The following MTRFR variants were observed in gnomAD, a reference collection of about 807,000 sequenced individuals.
MTRFR encodes mitochondrial translation release factor in rescue.
Under a neutral mutation model 11.9 loss-of-function variants are expected in MTRFR, and 10 were observed. The observed-to-expected ratio is 0.84, with a 90% confidence interval of 0.52 to 1.42. MTRFR has a LOEUF of 1.42. MTRFR is among the 40% of genes most tolerant of loss of function. MTRFR has a pLI of 0.00. For synonymous variants in MTRFR, 77 were observed against 79.1 expected (o/e 0.97, Z 0.14); for missense variants, 196 against 197.9 (o/e 0.99, Z 0.06).
intron 1 of MTRFR, among the ~76,000 whole-genome samples, chr12:123,238,081 A>G (rs1204687505): frequency 6.6e-6 from 1 of 151,996 alleles, no homozygotes; most frequent in Non-Finnish European, 1.5e-5. Flanking sequence ...ATTTTAGTAC[A>G]GAGGGGGTTT....
intron 1 of MTRFR, chr12:123,249,684 C>T (rs2048090256): frequency 6.6e-6 from 1 of 152,464 alleles, no homozygotes; most frequent in Non-Finnish European, 1.5e-5. Flanking sequence ...CGGAGGGAGC[C>T]CGCTTTGGCC....
chr12:123,253,924 C>T lies in MTRFR; in HGVS notation c.250C>T (p.Leu84=). The part of the protein sequence containing the change: ...ATNKTSNCVV[L]KHIPSGIVVK... ...CAACAAAACCAGCAACTGCGTGGTG[C>T]TGAAGCACATCCCCTCAGGCATCGT... The change falls in exon 2 of 3, where the codon CTG becomes TTG. Residue 84 remains leucine (L), a synonymous_variant. Coordinates refer to ENST00000253233, the MANE Select transcript of MTRFR (RefSeq NM_152269.5). The T allele has an allele frequency of 6.2e-7, 1 of 1,614,218 alleles. No individual in the cohort carries two copies. The highest frequency in any genetic ancestry group is 8.5e-7 in the Non-Finnish European group (1 of 1,180,030).
chr12:123,248,909 G>A (rs1175750937), intron 1 of MTRFR: 1 of 152,174 alleles, frequency 6.6e-6, no homozygotes. Context: ...GTGCTGACTG[G>A]TGCATTTACA....
At chr12:123,234,403 G>T (rs555195748) in intron 1 of MTRFR, among the ~76,000 whole-genome samples, 1 of 151,766 alleles carries the variant, frequency 6.6e-6, no homozygotes, top group East Asian at 1.9e-4. Flanking sequence ...TTGTGGGGGA[G>T]GGGGGTAGGG....
intron 1 of MTRFR, among the ~76,000 whole-genome samples, chr12:123,245,074 G>A (rs34341465): frequency 0.21 from 31,772 of 150,296 alleles, 3,553 homozygotes; most frequent in Middle Eastern, 0.27. Context: ...TCAGCCTCCC[G>A]AGTAGCTGGG....
At chr12:123,240,791 T>G (rs1383971726) in intron 1 of MTRFR, 8 of 146,154 alleles carry the variant, frequency 5.5e-5, no homozygotes, top group Middle Eastern at 3.6e-3. Flanking sequence ...TGGAGTGCAG[T>G]GGCGTGATCT....
intron 1 of MTRFR, among the ~76,000 whole-genome samples, chr12:123,238,223 A>G (rs1185923955): frequency 6.6e-6 from 1 of 152,106 alleles, no homozygotes; most frequent in Non-Finnish European, 1.5e-5. Flanking sequence ...ATGAATTATT[A>G]TTATTAAGCA....
At chr12:123,242,233 T>C (rs1429807363) in intron 1 of MTRFR, among the ~76,000 whole-genome samples, 1 of 152,116 alleles carries the variant, frequency 6.6e-6, no homozygotes, top group Admixed American at 6.6e-5. Context: ...GCAGAAGCCA[T>C]CATCAAAGGA....
chr12:123,249,982 T>C (rs1334639012), intron 1 of MTRFR: 1 of 152,242 alleles, frequency 6.6e-6, no homozygotes, highest in Non-Finnish European at 1.5e-5. Context: ...TTCCAAGCTT[T>C]TAGATTTCTC....
chr12:123,250,428 T>G (rs1025849546), intron 1 of MTRFR: 2 of 152,152 alleles, frequency 1.3e-5, no homozygotes, highest in African/African-American at 2.4e-5. Flanking sequence ...GTATGTTTTT[T>G]GGGGGGTGTT....
rs1064793074 is a variant in MTRFR at position 123,256,813 on chromosome 12, T to G, written c.283T>G (p.Cys95Gly). Residue 95 changes from cysteine (C) to glycine (G), a missense_variant and splice_region_variant, in exon 3 of 3, where the codon TGC becomes GGC. Transcript: ENST00000253233. Reference protein sequence around the residue: ...KHIPSGIVVKCHQTRSVDQNR... With the variant: ...KHIPSGIVVKGHQTRSVDQNR... The stretch of plus-strand genomic sequence containing the variant: ...CATTATAAAATATTATCTCTTACAG[T>G]GCCATCAGACAAGATCAGTTGATCA... The G allele has an allele frequency of 6.2e-7, 1 of 1,608,478 alleles. No individual in the cohort carries two copies. The highest frequency in any genetic ancestry group is 2.2e-5 in the East Asian group (1 of 44,858).
At chr12:123,234,815 T>A (rs1019719029) in intron 1 of MTRFR, among the ~76,000 whole-genome samples, 3 of 152,232 alleles carry the variant, frequency 2.0e-5, no homozygotes, top group Non-Finnish European at 4.4e-5. Context: ...GATGGTTTTA[T>A]CTTTCAGTGT....
At chr12:123,241,158 GTTTT>G (rs1263874829) in intron 1 of MTRFR, among the ~76,000 whole-genome samples, 1 of 132,684 alleles carries the variant, frequency 7.5e-6, no homozygotes, top group African/African-American at 2.7e-5. Flanking sequence ...TTTTGTTTTT[GTTTT>G]TTTTTTAATA....
chr12:123,257,091 G>A lies in MTRFR; in HGVS notation c.*60G>A, dbSNP rs1593290312. ...CCAGAAGCTCCCAGGGAATAATGGTGGCGAGTTCCATCACCAGCATTATTA... is the reference window on the plus strand; with the variant it reads ...CCAGAAGCTCCCAGGGAATAATGGTAGCGAGTTCCATCACCAGCATTATTA... On this transcript the variant is annotated 3_prime_UTR_variant, in exon 3 of 3. Coordinates refer to ENST00000253233, the MANE Select transcript of MTRFR (RefSeq NM_152269.5). The A allele has an allele frequency of 1.5e-6, 2 of 1,311,910 alleles. No homozygotes were observed. Among genetic ancestry groups the A allele is most frequent in the Non-Finnish European group, 2.2e-6 (2 of 916,884 alleles). The allele number at this position is 1,311,910 out of a possible 1,614,324, so 81.3% of individuals were successfully genotyped here.
intron 1 of MTRFR, among the ~76,000 whole-genome samples, chr12:123,235,439 A>G (rs1003290783): frequency 2.0e-5 from 3 of 152,008 alleles, no homozygotes; most frequent in Admixed American, 6.6e-5. Flanking sequence ...AGCTCAGCTC[A>G]CTGCAAGCTC....
In MTRFR at chr12:123,253,107, T is replaced by TTTTTTTTTTTTTTTTTTTTTTTTG. The variant is rs766114484; in HGVS notation, c.-28-540_-28-539insTTTTTTTTTTTTTTTTTTTTTTTG. ...TTTTTTTTTTTTTTTTTTTTTTTTT[T>TTTTTTTTTTTTTTTTTTTTTTTTG]GAGACACTGTCTCGCTCTGTTGTCC... On this transcript the variant is annotated intron_variant, in intron 1 of 2. Coordinates refer to ENST00000253233, the MANE Select transcript of MTRFR (RefSeq NM_152269.5). Among the ~76,000 whole-genome samples, 29 of 63,360 alleles carry TTTTTTTTTTTTTTTTTTTTTTTTG rather than the reference T, an allele frequency of 4.6e-4. 9 individuals are homozygous for TTTTTTTTTTTTTTTTTTTTTTTTG. The highest frequency in any genetic ancestry group is 7.8e-4 in the Non-Finnish European group (23 of 29,412). 41.6% of individuals were successfully genotyped at this position (63,360 alleles called of 152,430 possible).
chr12:123,250,184 A>G (rs933155276), intron 1 of MTRFR: 19 of 152,262 alleles, frequency 1.2e-4, no homozygotes, highest in Admixed American at 1.0e-3. Context: ...TTTCCAGAGC[A>G]TTTTGCATTT....
intron 1 of MTRFR, chr12:123,244,128 T>C (rs2047995652): frequency 6.6e-6 from 1 of 152,092 alleles, no homozygotes; most frequent in Admixed American, 6.6e-5. Context: ...TATGAGGCAG[T>C]TGCTTAATAA....
intron 1 of MTRFR, 38 bp from the exon 2 acceptor site, chr12:123,253,609 G>A: frequency 6.3e-7 from 1 of 1,590,628 alleles, no homozygotes. Flanking sequence ...GAGGGCAGAT[G>A]CCTCTTACTG....
Sources: gnomAD v4.1 joint callset for allele counts (sites outside exome capture counted in the v4.1 genomes callset) on GRCh38, gnomAD v4.1.1 for gene constraint, MANE v1.5 for transcripts, NCBI Gene and HGNC (gene_info 2026-07-23, HGNC 2026-07-21) for gene names.